SLC16A1: variants seen among roughly 807,000 people sequenced by gnomAD.
The protein encoded by SLC16A1 is solute carrier family 16 member 1, also known as monocarboxylate transporter 1.
SLC16A1 carries 11 observed loss-of-function variants against 32.2 expected under a neutral mutation model. The observed-to-expected ratio is 0.34, with a 90% CI of 0.21 to 0.56. The LOEUF (loss-of-function observed/expected upper bound fraction) is 0.56. SLC16A1 is among the 20% of genes least tolerant of loss of function. The pLI, the probability that SLC16A1 is intolerant of heterozygous loss-of-function variation, is 0.87. For missense variants in SLC16A1, 435 were observed against 615.0 expected (o/e 0.71, Z 3.10); for synonymous variants, 231 against 226.8 (o/e 1.02, Z -0.17).
intron 2 of SLC16A1, among the ~76,000 whole-genome samples, chr1:112,925,449 G>T (rs756953543): frequency 5.3e-5 from 8 of 151,928 alleles, no homozygotes; most frequent in Non-Finnish European, 1.2e-4. Context: ...GTACTATCAG[G>T]GTTCACTGCA....
At chr1:112,923,782 A>G in intron 2 of SLC16A1, 1 of 1,496,164 alleles carries the variant, frequency 6.7e-7, no homozygotes, top group Non-Finnish European at 9.3e-7. Context: ...CTCTCCAACT[A>G]TGCCACCTGG....
chr1:112,913,875 C>T lies in SLC16A1; in HGVS notation c.*16G>A, dbSNP rs1441171574. The stretch of plus-strand genomic sequence containing the variant: ...TGGGTCATGAACTGCTCAATTTACC[C>T]TTCAGCCCCATGGATTCAGACTGGA... On this transcript the variant is annotated 3_prime_UTR_variant, in exon 5 of 5. Transcript: ENST00000369626. The T allele has an allele frequency of 6.2e-7, 1 of 1,614,096 alleles. No homozygotes were observed. Among genetic ancestry groups the T allele is most frequent in the Non-Finnish European group, 8.5e-7 (1 of 1,179,966 alleles).
intron 3 of SLC16A1, among the ~76,000 whole-genome samples, chr1:112,919,363 A>G (rs556595857): frequency 2.0e-5 from 3 of 152,312 alleles, no homozygotes; most frequent in South Asian, 4.1e-4. Flanking sequence ...CAATCCAATG[A>G]AAATGTCAGT....
At chr1:112,922,699 T>C (rs961641632) in intron 2 of SLC16A1, among the ~76,000 whole-genome samples, 5 of 151,926 alleles carry the variant, frequency 3.3e-5, no homozygotes, top group Non-Finnish European at 5.9e-5. Context: ...GGCTTGAACC[T>C]GGGAGGTGGA....
chr1:112,945,104 A>G (rs1649651712), intron 1 of SLC16A1, among the ~76,000 whole-genome samples: 1 of 150,802 alleles, frequency 6.6e-6, no homozygotes, highest in South Asian at 2.1e-4. Flanking sequence ...GTTCAAGCGA[A>G]TCTCCTGCCT....
rs185959960 is a variant in SLC16A1 at position 112,933,279 on chromosome 1, C to T, written c.-44-3927G>A. 9.2e-5 allele frequency among the ~76,000 whole-genome samples: 14 copies of T among 152,094 alleles called. No individual in the cohort carries two copies. The East Asian group carries it at 2.7e-3, about 29-fold the overall frequency. The stretch of plus-strand genomic sequence containing the variant: ...GGTCAGGAGTTTGAGATCAACCTGG[C>T]TGTCTCTACTAAAAATACAAAAATT... On this transcript the variant is annotated intron_variant, in intron 1 of 4. Coordinates refer to ENST00000369626, the MANE Select transcript of SLC16A1 (RefSeq NM_003051.4).
intron 1 of SLC16A1, among the ~76,000 whole-genome samples, chr1:112,937,052 T>C (rs1433357162): frequency 6.6e-6 from 1 of 152,232 alleles, no homozygotes; most frequent in African/African-American, 2.4e-5. Flanking sequence ...CAGGCATTGA[T>C]TTTATGAGCT....
intron 1 of SLC16A1, among the ~76,000 whole-genome samples, chr1:112,934,984 G>T (rs992263788): frequency 6.6e-6 from 1 of 152,066 alleles, no homozygotes; most frequent in Non-Finnish European, 1.5e-5. Context: ...ATAGCAATAT[G>T]AATATTTAAA....
At chr1:112,949,433 T>C (rs1465735341) in intron 1 of SLC16A1, among the ~76,000 whole-genome samples, 1 of 152,162 alleles carries the variant, frequency 6.6e-6, no homozygotes, top group African/African-American at 2.4e-5. Flanking sequence ...TCCCTCTCAT[T>C]TGTGAGGTCA....
chr1:112,936,199 T>A (rs1484790051), intron 1 of SLC16A1, among the ~76,000 whole-genome samples: 1 of 130,130 alleles, frequency 7.7e-6, no homozygotes, highest in Non-Finnish European at 1.6e-5. Context: ...CTCATTTTTA[T>A]AATAATAATT....
At chr1:112,925,596 C>T (rs1403509497) in intron 2 of SLC16A1, among the ~76,000 whole-genome samples, 1 of 151,870 alleles carries the variant, frequency 6.6e-6, no homozygotes, top group African/African-American at 2.4e-5. Flanking sequence ...CCAGGTTGGT[C>T]TTGTAATCCC....
intron 1 of SLC16A1, among the ~76,000 whole-genome samples, chr1:112,937,962 C>T (rs1557852579): frequency 6.6e-6 from 1 of 152,120 alleles, no homozygotes; most frequent in Non-Finnish European, 1.5e-5. Flanking sequence ...TCTCGTAACT[C>T]TCATGAATTG....
intron 1 of SLC16A1, chr1:112,955,181 T>G (rs1203717492): frequency 6.6e-6 from 1 of 152,128 alleles, no homozygotes; most frequent in African/African-American, 2.4e-5. Flanking sequence ...TTAGATTAAT[T>G]ACAAACTAGT....
intron 1 of SLC16A1, among the ~76,000 whole-genome samples, chr1:112,948,407 G>A (rs1649775744): frequency 6.6e-6 from 1 of 152,024 alleles, no homozygotes. Flanking sequence ...AATTGCTAAC[G>A]ATATAAATCT....
intron 1 of SLC16A1, among the ~76,000 whole-genome samples, chr1:112,935,175 G>A (rs1649257250): frequency 6.6e-6 from 1 of 152,216 alleles, no homozygotes; most frequent in East Asian, 1.9e-4. Flanking sequence ...AACACTTTGG[G>A]AGGCCGAGGA....
At chr1:112,944,206 T>C (rs971607422) in intron 1 of SLC16A1, among the ~76,000 whole-genome samples, 11 of 152,098 alleles carry the variant, frequency 7.2e-5, no homozygotes, top group African/African-American at 2.4e-4. Flanking sequence ...ATCCCAGCAC[T>C]TTGGGAGGCA....
intron 2 of SLC16A1, among the ~76,000 whole-genome samples, chr1:112,923,187 C>T (rs968208251): frequency 4.6e-5 from 7 of 152,198 alleles, no homozygotes; most frequent in East Asian, 1.9e-4. Context: ...GGCGTGGTGG[C>T]GCATGCCTGT....
intron 1 of SLC16A1, among the ~76,000 whole-genome samples, chr1:112,948,586 C>T (rs546491071): frequency 2.8e-4 from 42 of 151,960 alleles, no homozygotes; most frequent in Non-Finnish European, 5.9e-5. Context: ...TCAATGCAAC[C>T]TCCGTCTCCC....
At chr1:112,948,202 T>C (rs1649767864) in intron 1 of SLC16A1, among the ~76,000 whole-genome samples, 1 of 151,196 alleles carries the variant, frequency 6.6e-6, no homozygotes, top group African/African-American at 2.4e-5. Context: ...GTTTGGGCAA[T>C]GAGAGCGAAA....
Sources: allele counts gnomAD v4.1 joint callset (sites outside exome capture counted in the v4.1 genomes callset), GRCh38; gene constraint gnomAD v4.1.1; transcripts MANE v1.5; gene names NCBI Gene and HGNC (gene_info 2026-07-23, HGNC 2026-07-21).